Variants in DHRS12 observed in about 807,000 individuals in gnomAD.
DHRS12 encodes the protein dehydrogenase/reductase SDR family member 12.
Under a neutral mutation model 32.1 loss-of-function variants are expected in DHRS12, and 29 were observed. That is an observed-to-expected ratio of 0.90 (90% CI 0.67 to 1.23). DHRS12 has a LOEUF of 1.23. Among genes scored for constraint, DHRS12 ranks in the 50% most tolerant of loss-of-function variants. The pLI is 0.00. For synonymous variants in DHRS12, 150 were observed against 135.9 expected, an observed-to-expected ratio of 1.10 and a Z score of -0.72; for missense variants, 330 against 337.2, an observed-to-expected ratio of 0.98 and a Z score of 0.17.
Position 51,771,962 on chromosome 13 carries a change from G to A in DHRS12, c.469-51C>T, listed in dbSNP as rs770831734. The A allele has an allele frequency of 2.5e-6, 4 of 1,581,788 alleles. No homozygotes were observed. The Admixed American group carries it at 6.7e-5, about 27-fold the overall frequency. On this transcript the variant is annotated intron_variant, in intron 6 of 8. Transcript: ENST00000444610. ...AACAGGAGAGAGGAGGCGCCATTAG[G>A]TGCAAGGGCAGGGGATAAGCCCTGC...
At position 51,791,259 on chromosome 13, in the gene DHRS12, T is replaced by C; in HGVS notation, c.127-2A>G. The C allele has an allele frequency of 7.2e-7, 1 of 1,382,796 alleles. No individual in the cohort carries two copies. Among genetic ancestry groups the C allele is most frequent in the African/African-American group, 1.5e-5 (1 of 65,106 alleles). 85.7% of individuals were successfully genotyped at this position (1,382,796 alleles called of 1,614,324 possible). ...GTCCACAATGTGCAGAAAAATGTTCTAAATTAGAAAGCAAAAAAAAAAAAA... is the reference window on the plus strand; with the variant it reads ...GTCCACAATGTGCAGAAAAATGTTCCAAATTAGAAAGCAAAAAAAAAAAAA... On this transcript the variant is annotated splice_acceptor_variant, in intron 2 of 8. Coordinates refer to ENST00000444610, the MANE Select transcript of DHRS12 (RefSeq NM_001377533.1). LOFTEE classifies it high-confidence loss of function.
intron 6 of DHRS12, among the ~76,000 whole-genome samples, chr13:51,773,349 G>T (rs542017999): frequency 6.6e-6 from 1 of 152,300 alleles, no homozygotes; most frequent in South Asian, 2.1e-4. Flanking sequence ...GAAACAAAAT[G>T]TGTGTTCATG....
intron 6 of DHRS12, chr13:51,772,924 CAGA>C (rs1455402012): frequency 2.0e-5 from 20 of 985,454 alleles, no homozygotes; most frequent in Middle Eastern, 5.2e-4. Context: ...GGCATATAAA[CAGA>C]AGAAGTGGAG....
Position 51,791,178 on chromosome 13 carries a change from T to G in DHRS12, c.206A>C (p.Lys69Thr). 1 of 1,584,910 alleles carries G rather than the reference T, an allele frequency of 6.3e-7. No individual in the cohort carries two copies. Among genetic ancestry groups the G allele is most frequent in the Non-Finnish European group, 8.6e-7 (1 of 1,164,032 alleles). Reference sequence around the variant, plus strand: ...TACAAAGCTCACCAGAACATGGAGTTTATGTTCCTGCTTGAAATTTTCAAC... The same window carrying G: ...TACAAAGCTCACCAGAACATGGAGTGTATGTTCCTGCTTGAAATTTTCAAC... ...KFVENFKQEH[K>T]LHVLINNAGC... Residue 69 changes from lysine to threonine, a missense_variant, in exon 3 of 9, where the codon AAA becomes ACA. Transcript: ENST00000444610.
chr13:51,766,564 T>C (rs2138841720), downstream of DHRS12: 1 of 152,370 alleles, frequency 6.6e-6, no homozygotes, highest in Admixed American at 6.5e-5. Flanking sequence ...AGTCCTGACA[T>C]TGACTTCCTG....
intron 2 of DHRS12, chr13:51,797,836 C>A: frequency 6.5e-7 from 1 of 1,535,354 alleles, no homozygotes; most frequent in Non-Finnish European, 8.7e-7. Context: ...CTGGTTACCG[C>A]TCTCCCGGAT....
intron 4 of DHRS12, among the ~76,000 whole-genome samples, chr13:51,778,802 C>T (rs1263514985): frequency 6.6e-6 from 1 of 152,028 alleles, no homozygotes; most frequent in East Asian, 1.9e-4. Flanking sequence ...ACTCTCTCCT[C>T]TAGGGGACTG....
chr13:51,794,774 A>G (rs1955435707), intron 2 of DHRS12, among the ~76,000 whole-genome samples: 1 of 145,330 alleles, frequency 6.9e-6, no homozygotes, highest in Admixed American at 7.2e-5. Flanking sequence ...ATCTCAAAAA[A>G]TAATACATAA....
chr13:51,762,603 G>A, the DHRS12 span: 1 of 152,204 alleles, frequency 6.6e-6, no homozygotes, highest in Non-Finnish European at 1.5e-5. Flanking sequence ...TGCTGGTGTT[G>A]GGTGTCTTCC....
At chr13:51,780,033 C>T (rs1187419550) in intron 4 of DHRS12, among the ~76,000 whole-genome samples, 1 of 151,890 alleles carries the variant, frequency 6.6e-6, no homozygotes, top group Non-Finnish European at 1.5e-5. Flanking sequence ...AAAAATTAGT[C>T]GGGCATGGTG....
chr13:51,757,400 A>G, the DHRS12 span, among the ~76,000 whole-genome samples: 1 of 152,252 alleles, frequency 6.6e-6, no homozygotes, highest in Admixed American at 6.5e-5. Flanking sequence ...TAAAAATTTA[A>G]AGTAACCATT....
intron 5 of DHRS12, chr13:51,776,380 T>A (rs1328404836): frequency 6.6e-6 from 1 of 152,254 alleles, no homozygotes; most frequent in Non-Finnish European, 1.5e-5. Context: ...ACCCTCTGCT[T>A]CCATAGTCAC....
chr13:51,787,905 A>ATT (rs1566296843), intron 4 of DHRS12, among the ~76,000 whole-genome samples: 13 of 133,372 alleles, frequency 9.7e-5, no homozygotes, highest in African/African-American at 3.4e-4. Context: ...TATATATAAA[A>ATT]ATATATAATT....
At chr13:51,776,238 A>C (rs1300378723) in intron 5 of DHRS12, 1 of 152,142 alleles carries the variant, frequency 6.6e-6, no homozygotes, top group African/African-American at 2.4e-5. Flanking sequence ...CAGAAGTCTG[A>C]GGTGGGGCTC....
At chr13:51,768,330 G>C in intron 8 of DHRS12, 34 bp from the exon 9 acceptor site, 7 of 1,534,852 alleles carry the variant, frequency 4.6e-6, no homozygotes, top group Non-Finnish European at 6.1e-6. Flanking sequence ...AGAGGTGTGA[G>C]CTGCTGCAGC....
chr13:51,761,151 A>G, the DHRS12 span: 2 of 152,078 alleles, frequency 1.3e-5, no homozygotes, highest in African/African-American at 4.8e-5. Context: ...TCTTACTAAA[A>G]CGGTATGTGG....
chr13:51,787,245 G>A (rs1955000418), intron 4 of DHRS12, among the ~76,000 whole-genome samples: 1 of 152,120 alleles, frequency 6.6e-6, no homozygotes, highest in South Asian at 2.1e-4. Context: ...TCCTTACAAA[G>A]GTGCAACTTA....
chr13:51,771,921 A>G lies in DHRS12; in HGVS notation c.469-10T>C. The G allele has an allele frequency of 6.2e-7, 1 of 1,613,896 alleles. No individual in the cohort carries two copies. The highest frequency in any genetic ancestry group is 1.7e-5 in the Admixed American group (1 of 60,008). On this transcript the variant is annotated splice_polypyrimidine_tract_variant and intron_variant, in intron 6 of 8. Transcript: ENST00000444610. ...GAACCACTTGCTGCCTCTGGACAGG[A>G]AGGAGCGAGGGGGTGAACAGGAGAG...
intron 4 of DHRS12, among the ~76,000 whole-genome samples, chr13:51,777,970 C>T (rs889865357): frequency 2.0e-5 from 3 of 152,212 alleles, no homozygotes; most frequent in East Asian, 1.9e-4. Context: ...CTTAAAGTGG[C>T]GAGCCCTGGG....
Sources: gnomAD v4.1 joint callset for allele counts (sites outside exome capture counted in the v4.1 genomes callset) on GRCh38, gnomAD v4.1.1 for gene constraint, MANE v1.5 for transcripts, NCBI Gene and HGNC (gene_info 2026-07-23, HGNC 2026-07-21) for gene names.